The following SRPK1 variants were observed in gnomAD, a reference collection of about 807,000 sequenced individuals.
SRPK1 encodes SFRS protein kinase 1.
A neutral mutation model predicts 89.5 loss-of-function variants in SRPK1; 52 were observed. The observed-to-expected ratio is 0.58, with a 90% confidence interval of 0.46 to 0.73. The LOEUF (loss-of-function observed/expected upper bound fraction) is 0.73, where lower values mean the gene tolerates loss of function less well. Ranked by LOEUF, SRPK1 falls within the 30% of genes least tolerant of loss-of-function variation. SRPK1 has a pLI of 0.00. For synonymous variants in SRPK1, 255 were observed against 270.2 expected (o/e 0.94, Z 0.55); for missense variants, 603 against 780.6 (o/e 0.77, Z 2.71).
chr6:35,886,520 CAAG>C (rs1263853002), intron 6 of SRPK1, among the ~76,000 whole-genome samples: 3 of 152,104 alleles, frequency 2.0e-5, no homozygotes, highest in African/African-American at 7.2e-5. Context: ...GAAAAGAGGA[CAAG>C]AAGCTTAAAG....
chr6:35,913,561 G>T (rs1771018913), intron 2 of SRPK1, among the ~76,000 whole-genome samples: 1 of 152,132 alleles, frequency 6.6e-6, no homozygotes, highest in African/African-American at 2.4e-5. Context: ...CACTTTGGGA[G>T]GCCAGGGTAG....
chr6:35,841,379 C>G (rs909298234), intron 14 of SRPK1, among the ~76,000 whole-genome samples: 4 of 152,138 alleles, frequency 2.6e-5, no homozygotes, highest in African/African-American at 9.7e-5. Flanking sequence ...ACAAAGAGCA[C>G]TCTTGGTTCC....
intron 2 of SRPK1, among the ~76,000 whole-genome samples, chr6:35,911,183 C>T (rs1245911131): frequency 6.6e-6 from 1 of 152,156 alleles, no homozygotes; most frequent in Non-Finnish European, 1.5e-5. Context: ...TTCTATATGC[C>T]ATTAAGAACA....
chr6:35,833,001 G>T lies in SRPK1; in HGVS notation c.*2303C>A, dbSNP rs912389334. On this transcript the variant is annotated 3_prime_UTR_variant, in exon 16 of 16. Coordinates refer to ENST00000373825, the MANE Select transcript of SRPK1 (RefSeq NM_003137.5). ...CTTTTACTCAGGGCAGAGCAATTTG[G>T]ACAACAAATGAACAGAGATTTTTGG... 2 of 152,522 alleles carry T rather than the reference G, an allele frequency of 1.3e-5. No homozygotes were observed. Among genetic ancestry groups the T allele is most frequent in the African/African-American group, 2.4e-5 (1 of 41,386 alleles). 9.4% of individuals were successfully genotyped at this position (152,522 alleles called of 1,614,324 possible).
At chr6:35,866,998 T>C (rs1285036029) in intron 12 of SRPK1, among the ~76,000 whole-genome samples, 1 of 152,092 alleles carries the variant, frequency 6.6e-6, no homozygotes, top group African/African-American at 2.4e-5. Context: ...TGATCGACAA[T>C]GAAGACTCAG....
chr6:35,861,504 G>A (rs946149524), intron 12 of SRPK1, among the ~76,000 whole-genome samples: 30 of 152,182 alleles, frequency 2.0e-4, no homozygotes, highest in Admixed American at 1.4e-3. Flanking sequence ...GAAGAGGGGA[G>A]GCTAGGCACT....
chr6:35,905,158 AACAG>A (rs1373160304), intron 2 of SRPK1, among the ~76,000 whole-genome samples: 1 of 152,146 alleles, frequency 6.6e-6, no homozygotes, highest in Non-Finnish European at 1.5e-5. Context: ...AAGAACAAAA[AACAG>A]ACAAACAAAA....
chr6:35,915,995 TATACACACACAC>T (rs57741848), intron 2 of SRPK1, among the ~76,000 whole-genome samples: 1,166 of 54,600 alleles, frequency 0.021, 112 homozygotes, highest in African/African-American at 0.11. Context: ...AAAAAAAATA[TATACACACACAC>T]ACACACACAC....
intron 6 of SRPK1, among the ~76,000 whole-genome samples, chr6:35,885,284 CACACACACACACACAGAGAG>C (rs1770380212): frequency 3.7e-5 from 5 of 134,756 alleles, no homozygotes; most frequent in Admixed American, 7.9e-5. Context: ...CACACACACA[CACACACACACACACAGAGAG>C]AGAGAGAGAG....
intron 13 of SRPK1, 86 bp downstream of exon 13, chr6:35,857,175 A>G (rs970775913): frequency 1.1e-6 from 1 of 913,910 alleles, no homozygotes; most frequent in African/African-American, 1.6e-5. Context: ...CTTTTCTGCT[A>G]GTTAATTTGC....
At chr6:35,856,964 C>T (rs1769678773) in intron 13 of SRPK1, 1 of 280,214 alleles carries the variant, frequency 3.6e-6, no homozygotes, top group Admixed American at 4.9e-5. Flanking sequence ...TACTTGTAAT[C>T]TCCTAATCAA....
At chr6:35,840,637 T>C (rs767438729) in intron 14 of SRPK1, among the ~76,000 whole-genome samples, 1 of 152,226 alleles carries the variant, frequency 6.6e-6, no homozygotes, top group Non-Finnish European at 1.5e-5. Flanking sequence ...AGGATTGATA[T>C]ACTTGACAGA....
chr6:35,836,776 A>G (rs1303008830), intron 15 of SRPK1, among the ~76,000 whole-genome samples: 1 of 149,920 alleles, frequency 6.7e-6, no homozygotes, highest in Admixed American at 6.7e-5. Flanking sequence ...TAATAATAAT[A>G]ATAATAATAA....
chr6:35,885,292 CACACACAGAGAGAG>C (rs749532821), intron 6 of SRPK1, among the ~76,000 whole-genome samples: 2 of 135,228 alleles, frequency 1.5e-5, no homozygotes, highest in Non-Finnish European at 3.2e-5. Context: ...CACACACACA[CACACACAGAGAGAG>C]AGAGAGAGAG....
At chr6:35,855,363 G>A (rs1769644650) in intron 13 of SRPK1, among the ~76,000 whole-genome samples, 1 of 151,736 alleles carries the variant, frequency 6.6e-6, no homozygotes, top group African/African-American at 2.4e-5. Context: ...ATAAGGTCAT[G>A]CCACATTAAC....
chr6:35,865,909 TAATC>T (rs972343092), intron 12 of SRPK1, among the ~76,000 whole-genome samples: 4 of 150,652 alleles, frequency 2.7e-5, no homozygotes, highest in African/African-American at 9.8e-5. Flanking sequence ...GCAAAAGAAA[TAATC>T]AAGAGTCAAC....
At chr6:35,838,722 G>A in intron 14 of SRPK1, 3 of 1,432,640 alleles carry the variant, frequency 2.1e-6, no homozygotes, top group Non-Finnish European at 2.8e-6. Context: ...GACTGAAGAA[G>A]TCTTGTGAAT....
intron 4 of SRPK1, 90 bp downstream of exon 4, chr6:35,888,725 T>C (rs945871380): frequency 8.2e-6 from 7 of 853,784 alleles, no homozygotes; most frequent in African/African-American, 3.3e-5. Context: ...AGGCTAGAGA[T>C]AGATTGAAGC....
chr6:35,874,175 A>G, intron 7 of SRPK1, 58 bp downstream of exon 7: 1 of 1,376,488 alleles, frequency 7.3e-7, no homozygotes, highest in Non-Finnish European at 1.0e-6. Context: ...CACTTCAAGA[A>G]TATTAAAAAA....
Sources: allele counts gnomAD v4.1 joint callset (sites outside exome capture counted in the v4.1 genomes callset), GRCh38; gene constraint gnomAD v4.1.1; transcripts MANE v1.5; gene names NCBI Gene and HGNC (gene_info 2026-07-23, HGNC 2026-07-21).